The following HIRIP3 variants were observed in gnomAD, a reference collection of about 807,000 sequenced individuals.
The protein encoded by HIRIP3 is HIRA-interacting protein 3.
In HIRIP3, 40 loss-of-function variants were observed where a neutral mutation model predicts 50.3. That is an observed-to-expected ratio of 0.79 (90% CI 0.62 to 1.03). HIRIP3 has a LOEUF of 1.03. HIRIP3 is among the 50% of genes least tolerant of loss of function. The pLI is 0.00. For synonymous variants in HIRIP3, 318 were observed against 261.6 expected (o/e 1.22, Z -2.08); for missense variants, 765 against 705.4 (o/e 1.08, Z -0.96).
chr16:29,995,655 C>G (rs774378518), upstream of HIRIP3: 11 of 1,599,408 alleles, frequency 6.9e-6, no homozygotes, highest in South Asian at 1.1e-5. Context: ...TTCTCGGCCT[C>G]CGTCAGCGCG....
chr16:29,993,541 C>A lies in HIRIP3; in HGVS notation c.1425G>T (p.Gly475=). 1 of 1,613,724 alleles carries A rather than the reference C, an allele frequency of 6.2e-7. No individual in the cohort carries two copies. Among genetic ancestry groups the A allele is most frequent in the Middle Eastern group, 1.7e-4 (1 of 6,056 alleles). Residue 475 remains glycine, a synonymous_variant, in exon 6 of 7, where the codon GGG becomes GGT. Coordinates refer to ENST00000279392, the MANE Select transcript of HIRIP3 (RefSeq NM_003609.5). ...ALGMKGTPSL[G]KCRALKEQRE... ...TCTGCTCCTTCAGGGCCCGACACTT[C>A]CCTAGGGAAGGGGTACCTGGGGCAG... is the stretch of plus-strand genomic sequence containing the variant.
At position 29,995,390 on chromosome 16, in the gene HIRIP3, TCTC is replaced by T. The variant is rs771608969; in HGVS notation, c.136_138del (p.Glu46del). 3.1e-6 allele frequency: 5 copies of T among 1,613,516 alleles called. No individual in the cohort carries two copies. The highest frequency in any genetic ancestry group is 1.7e-5 in the Admixed American group (1 of 60,008). The stretch of plus-strand genomic sequence containing the variant: ...TCCACCAGCCGCTTCAGTGCCTGCT[TCTC>T]CTCGGGCTCCAGGTGGCTGCGGCCC... On this transcript the variant is annotated inframe_deletion, in exon 2 of 7. Transcript: ENST00000279392.
rs372142050 is a variant in HIRIP3 at position 29,995,617 on chromosome 16, C to G, written c.-12G>C. On this transcript the variant is annotated 5_prime_UTR_variant, in exon 1 of 7. Coordinates refer to ENST00000279392, the MANE Select transcript of HIRIP3 (RefSeq NM_003609.5). ...TTCTCCCGCGCCATTTTGCTCAACC[C>G]GGGATTGACGGCTCCCGCCTTTTTT... The G allele has an allele frequency of 5.0e-6, 8 of 1,611,904 alleles. No homozygotes were observed. Among genetic ancestry groups the G allele is most frequent in the Non-Finnish European group, 6.8e-6 (8 of 1,179,898 alleles).
At chr16:29,995,641 T>C (rs2070079947), upstream of HIRIP3, 1 of 1,608,790 alleles carries the variant, frequency 6.2e-7, no homozygotes, top group South Asian at 1.1e-5. Flanking sequence ...CCCGCCTTTT[T>C]TTCTTCTCGG....
At position 29,994,629 on chromosome 16, in the gene HIRIP3, C is replaced by A. The variant is rs374834653; in HGVS notation, c.516G>T (p.Arg172Ser). Residue 172 changes from arginine to serine, a missense_variant, in exon 4 of 7, where the codon AGG becomes AGT. Arg to Ser is a moderately radical substitution (Grantham distance 110, BLOSUM62 -1). Coordinates refer to ENST00000279392, the MANE Select transcript of HIRIP3 (RefSeq NM_003609.5). The stretch of plus-strand genomic sequence containing the variant: ...CCTGCTTCTTTACCACAGGTTTCTT[C>A]CTAGTCTTCCCCTTGTACCCCTTTT... The part of the protein sequence containing the change: ...EEEKGYKGKT[R>S]KKPVVKKQAP... 6.2e-7 allele frequency: 1 copy of A among 1,614,026 alleles called. No homozygotes were observed. The highest frequency in any genetic ancestry group is 1.3e-5 in the African/African-American group (1 of 74,912).
At chr16:29,995,659 CA>C (rs2070080904), upstream of HIRIP3, 13 of 1,596,596 alleles carry the variant, frequency 8.1e-6, no homozygotes, top group Middle Eastern at 2.3e-4. Context: ...CGGCCTCCGT[CA>C]GCGCGTTTGA....
upstream of HIRIP3, chr16:29,995,631 C>G (rs571949113): frequency 9.3e-6 from 15 of 1,610,940 alleles, no homozygotes; most frequent in East Asian, 4.5e-5. Context: ...ATTGACGGCT[C>G]CCGCCTTTTT....
upstream of HIRIP3, chr16:29,995,910 C>T (rs2070089886): frequency 1.4e-5 from 8 of 573,082 alleles, no homozygotes; most frequent in South Asian, 1.7e-4. Flanking sequence ...CTGCCTTTCT[C>T]ACTGGTCACG....
upstream of HIRIP3, chr16:29,995,620 G>A (rs762249768): frequency 5.0e-6 from 8 of 1,611,866 alleles, no homozygotes; most frequent in Non-Finnish European, 1.7e-6. Flanking sequence ...CTCAACCCGG[G>A]ATTGACGGCT....
Position 29,993,779 on chromosome 16 carries a change from G to A in HIRIP3, c.1269C>T (p.His423=), listed in dbSNP as rs746824815. ...AGCGCTTCAGCCTCATCACAGCCGG[G>A]TGGTCCTCTCCACGGCGACCTGAGC... is the stretch of plus-strand genomic sequence containing the variant. The part of the protein sequence containing the change: ...KAGSGRRGED[H]PAVMRLKRYI... The change falls in exon 5 of 7, where the codon CAC becomes CAT. Residue 423 remains histidine (H), a synonymous_variant. Coordinates refer to ENST00000279392, the MANE Select transcript of HIRIP3 (RefSeq NM_003609.5). 4.8e-5 allele frequency: 77 copies of A among 1,611,336 alleles called. 2 individuals carry two copies. The highest frequency in any genetic ancestry group is 2.8e-4 in the Admixed American group (17 of 60,000).
chr16:29,993,559 T>TG lies in HIRIP3; in HGVS notation c.1409-3dup, dbSNP rs759191947. 2 of 1,613,308 alleles carry TG rather than the reference T, an allele frequency of 1.2e-6. No individual in the cohort carries two copies. The highest frequency in any genetic ancestry group is 1.1e-5 in the South Asian group (1 of 91,066). ...GACACTTCCCTAGGGAAGGGGTACCTGGGGCAGAAGAAGCTGGTGATTCTC... is the reference window on the plus strand; with the variant it reads ...GACACTTCCCTAGGGAAGGGGTACCTGGGGGCAGAAGAAGCTGGTGATTCTC... On this transcript the variant is annotated splice_region_variant and splice_polypyrimidine_tract_variant and intron_variant, in intron 5 of 6. Transcript: ENST00000279392.
chr16:29,994,971 G>GC, intron 3 of HIRIP3, 128 bp from the exon 4 acceptor site: 1 of 1,481,902 alleles, frequency 6.7e-7, no homozygotes, highest in South Asian at 1.2e-5. Flanking sequence ...ATCTGTACTT[G>GC]CTGTTCCCGG....
intron 6 of HIRIP3, 32 bp from the exon 7 acceptor site, chr16:29,993,402 T>A: frequency 6.3e-7 from 1 of 1,577,078 alleles, no homozygotes; most frequent in Non-Finnish European, 8.6e-7. Context: ...AGATCAGATG[T>A]CTGAGAAGGT....
chr16:29,995,204 G>A lies in HIRIP3; in HGVS notation c.200C>T (p.Ala67Val), dbSNP rs773285056. Residue 67 changes from alanine to valine, a missense_variant, in exon 3 of 7, where the codon GCT becomes GTT. Transcript: ENST00000279392. ...ELLKMQVDEA[A>V]SREDKLDLTK... The stretch of plus-strand genomic sequence containing the variant: ...AAGGTCCAGTTTGTCTTCCCTGGAA[G>A]CGGCTTCATCCACCTGTGTGTGCGC... 1.9e-6 allele frequency: 3 copies of A among 1,614,250 alleles called. No individual in the cohort carries two copies. In the East Asian group the frequency reaches 6.7e-5, roughly 36 times the overall value.
At position 29,995,160 on chromosome 16, in the gene HIRIP3, G is replaced by A. The variant is rs751346333; in HGVS notation, c.244C>T (p.Pro82Ser). The part of the protein sequence containing the change: ...KLDLTKKGKR[P>S]PTPCSDPERK... ...TCCGGGTCGCTACAAGGGGTGGGAG[G>A]CCTCTTGCCCTTCTTGGTAAGGTCC... The change falls in exon 3 of 7, where the codon CCT becomes TCT. Residue 82 changes from proline to serine, a missense_variant. By Grantham distance (74) the Pro-to-Ser change is moderately conservative (BLOSUM62 -1). Transcript: ENST00000279392. 3 of 1,614,228 alleles carry A rather than the reference G, an allele frequency of 1.9e-6. No homozygotes were observed. The highest frequency in any genetic ancestry group is 2.2e-5 in the South Asian group (2 of 91,086).
Position 29,995,550 on chromosome 16 carries a change from G to C in HIRIP3, c.56C>G (p.Pro19Arg). Reference sequence around the variant, plus strand: ...CCAACCCCCTGGGCACCTGAGGTCCGGGCGGCCTCGGAAGAAGCTACGGGT... The same window carrying C: ...CCAACCCCCTGGGCACCTGAGGTCCCGGCGGCCTCGGAAGAAGCTACGGGT... ...EFTRSFFRGR[P>R]DLSTLTHSIV... is the part of the protein sequence containing the mutation. The change falls in exon 1 of 7, where the codon CCG becomes CGG. Residue 19 changes from proline to arginine, a missense_variant. Pro to Arg is a moderately radical substitution (Grantham distance 103). Coordinates refer to ENST00000279392, the MANE Select transcript of HIRIP3 (RefSeq NM_003609.5). The C allele has an allele frequency of 9.9e-6, 16 of 1,613,034 alleles. No homozygotes were observed. The highest frequency in any genetic ancestry group is 1.4e-5 in the Non-Finnish European group (16 of 1,180,018).
In HIRIP3 at chr16:29,993,720, T is replaced by C; in HGVS notation, c.1328A>G (p.Lys443Arg). ...TGAGCAACAGGAGCCCAACAGCTTC[T>C]TGTAGTTTCGATGGGCACCACAGGC... The part of the protein sequence containing the change: ...IRACGAHRNY[K>R]KLLGSCCSHK... Residue 443 changes from lysine (K) to arginine (R), a missense_variant, in exon 5 of 7, where the codon AAG becomes AGG. Physicochemically the swap from Lys to Arg is conservative, Grantham distance 26. Transcript: ENST00000279392. The C allele has an allele frequency of 6.2e-7, 1 of 1,609,460 alleles. No homozygotes were observed. Among genetic ancestry groups the C allele is most frequent in the Non-Finnish European group, 8.5e-7 (1 of 1,179,988 alleles).
intron 4 of HIRIP3, 35 bp from the exon 5 acceptor site, chr16:29,993,843 C>A: frequency 6.2e-7 from 1 of 1,611,632 alleles, no homozygotes; most frequent in Non-Finnish European, 8.5e-7. Context: ...GCCAAGCCTG[C>A]TGGGCCTGAG....
rs968762271 is a variant in HIRIP3 at position 29,992,912 on chromosome 16, C to A, written c.*295G>T. 1.5e-5 allele frequency: 4 copies of A among 266,568 alleles called. No homozygotes were observed. Among genetic ancestry groups the A allele is most frequent in the Non-Finnish European group, 1.4e-5 (2 of 142,532 alleles). 16.5% of individuals were successfully genotyped at this position (266,568 alleles called of 1,614,324 possible). On this transcript the variant is annotated 3_prime_UTR_variant, in exon 7 of 7. Transcript: ENST00000279392. ...CCGGGGGAAATTAAAGGGAACCAGGCCAGGGGAGGAGGTGGAGGCAGTGAC... is the reference window on the plus strand; with the variant it reads ...CCGGGGGAAATTAAAGGGAACCAGGACAGGGGAGGAGGTGGAGGCAGTGAC...
Sources: gnomAD v4.1 joint callset for allele counts on GRCh38, gnomAD v4.1.1 for gene constraint, MANE v1.5 for transcripts, NCBI Gene and HGNC (gene_info 2026-07-23, HGNC 2026-07-21) for gene names.